GALNT13: variants seen among roughly 807,000 people sequenced by gnomAD.
GALNT13 encodes the protein polypeptide N-acetylgalactosaminyltransferase 13, also known as UDP-GalNAc:polypeptide N-acetylgalactosaminyltransferase 13.
GALNT13 carries 28 observed loss-of-function variants against 64.2 expected under a neutral mutation model. That is an observed-to-expected ratio of 0.44 (90% CI 0.32 to 0.60). The LOEUF is 0.60. Ranked by LOEUF, GALNT13 falls within the 20% of genes least tolerant of loss-of-function variation. The pLI is 0.05. For synonymous variants in GALNT13, 214 were observed against 224.6 expected, an observed-to-expected ratio of 0.95 and a Z score of 0.42; for missense variants, 577 against 669.8, an observed-to-expected ratio of 0.86 and a Z score of 1.53.
chr2:153,514,186 T>G, the GALNT13 span, among the ~76,000 whole-genome samples: 2 of 152,280 alleles, frequency 1.3e-5, no homozygotes, highest in South Asian at 4.1e-4. Context: ...CTCTTACCCA[T>G]TCCTATTTGA....
rs1261889773 is a variant in GALNT13 at position 154,302,012 on chromosome 2, AAAT to A, written c.1156+428_1156+430del. Among the ~76,000 whole-genome samples the A allele has an allele frequency of 2.6e-5, 4 of 152,224 alleles. No homozygotes were observed. In the East Asian group the frequency reaches 7.7e-4, roughly 29 times the overall value. On this transcript the variant is annotated intron_variant, in intron 9 of 12. Transcript: ENST00000392825. ...TAAATTATCAATAAATATGTGTGAA[AAAT>A]AATATGAGTAAAACGTTTTCATACT...
At chr2:154,168,981 G>A (rs1164849954) in intron 4 of GALNT13, among the ~76,000 whole-genome samples, 1 of 152,136 alleles carries the variant, frequency 6.6e-6, no homozygotes, top group Non-Finnish European at 1.5e-5. Context: ...GGTGCAAGGG[G>A]GAGGGGAGCC....
the GALNT13 span, among the ~76,000 whole-genome samples, chr2:153,179,692 T>G: frequency 6.6e-6 from 1 of 152,136 alleles, no homozygotes; most frequent in Non-Finnish European, 1.5e-5. Context: ...GAACACGAGG[T>G]ATCTTTCCAT....
chr2:153,346,714 G>A, the GALNT13 span, among the ~76,000 whole-genome samples: 3 of 152,082 alleles, frequency 2.0e-5, no homozygotes, highest in Admixed American at 6.5e-5. Flanking sequence ...TGAAATCAAA[G>A]CATGTTCTTA....
the GALNT13 span, among the ~76,000 whole-genome samples, chr2:153,393,612 T>C: frequency 6.6e-6 from 1 of 152,100 alleles, no homozygotes; most frequent in Admixed American, 6.6e-5. Context: ...TCGTGGTACC[T>C]GGACAGTTGG....
the GALNT13 span, among the ~76,000 whole-genome samples, chr2:153,608,422 G>C: frequency 2.6e-5 from 4 of 152,022 alleles, no homozygotes; most frequent in Non-Finnish European, 5.9e-5. Context: ...AGATTAAAAA[G>C]AGAAATATTT....
At chr2:153,648,809 A>G in the GALNT13 span, among the ~76,000 whole-genome samples, 2 of 152,132 alleles carry the variant, frequency 1.3e-5, no homozygotes, top group Non-Finnish European at 2.9e-5. Flanking sequence ...CATCCTAGGG[A>G]TGAAGCCCAC....
At chr2:153,110,039 A>G in the GALNT13 span, among the ~76,000 whole-genome samples, 6 of 152,160 alleles carry the variant, frequency 3.9e-5, no homozygotes, top group Non-Finnish European at 8.8e-5. Flanking sequence ...AAGACAACTC[A>G]TAAAAATTCA....
intron 1 of GALNT13, among the ~76,000 whole-genome samples, chr2:153,894,234 C>T (rs984075521): frequency 1.3e-5 from 2 of 152,042 alleles, no homozygotes; most frequent in South Asian, 2.1e-4. Context: ...TTGAATCTCT[C>T]GAGACCCCAC....
the GALNT13 span, among the ~76,000 whole-genome samples, chr2:153,627,380 A>G: frequency 6.6e-6 from 1 of 152,114 alleles, no homozygotes; most frequent in Non-Finnish European, 1.5e-5. Flanking sequence ...AAAGTAGAAT[A>G]AGTAGATATT....
chr2:153,998,348 G>A (rs1042677729), intron 3 of GALNT13, among the ~76,000 whole-genome samples: 22 of 152,150 alleles, frequency 1.4e-4, no homozygotes, highest in African/African-American at 5.1e-4. Context: ...ACTGGCATGA[G>A]ATGGTATCTT....
At chr2:153,509,104 C>T in the GALNT13 span, among the ~76,000 whole-genome samples, 1 of 152,198 alleles carries the variant, frequency 6.6e-6, no homozygotes, top group Non-Finnish European at 1.5e-5. Context: ...GATTACCCGT[C>T]CAGGAAGAGA....
chr2:153,831,483 G>A, the GALNT13 span, among the ~76,000 whole-genome samples: 1 of 152,082 alleles, frequency 6.6e-6, no homozygotes, highest in Non-Finnish European at 1.5e-5. Flanking sequence ...CCCTTTGGTA[G>A]CAGCAATTCC....
chr2:153,626,149 G>A, the GALNT13 span, among the ~76,000 whole-genome samples: 1 of 151,914 alleles, frequency 6.6e-6, no homozygotes, highest in Non-Finnish European at 1.5e-5. Flanking sequence ...ATAAACCATT[G>A]GTTCCCAGAT....
At chr2:154,350,502 G>A (rs1049326091) in intron 9 of GALNT13, among the ~76,000 whole-genome samples, 3 of 152,188 alleles carry the variant, frequency 2.0e-5, no homozygotes, top group Non-Finnish European at 4.4e-5. Flanking sequence ...CAGATTGAAG[G>A]CTGCACTGTC....
chr2:153,496,887 G>A, the GALNT13 span, among the ~76,000 whole-genome samples: 3 of 151,494 alleles, frequency 2.0e-5, no homozygotes, highest in East Asian at 1.9e-4. Context: ...CCAGCTACTC[G>A]GGAGGTTGAG....
chr2:153,468,831 GGTC>G, the GALNT13 span, among the ~76,000 whole-genome samples: 2 of 151,966 alleles, frequency 1.3e-5, no homozygotes, highest in Non-Finnish European at 2.9e-5. Flanking sequence ...CGGTGTACTG[GGTC>G]GTAGTAAGAA....
At chr2:153,204,250 T>A in the GALNT13 span, among the ~76,000 whole-genome samples, 1 of 152,220 alleles carries the variant, frequency 6.6e-6, no homozygotes, top group Admixed American at 6.5e-5. Flanking sequence ...CACCCTGGAC[T>A]ATATTGCTTG....
At chr2:154,405,207 T>C (rs1212684613) in intron 10 of GALNT13, among the ~76,000 whole-genome samples, 2 of 151,898 alleles carry the variant, frequency 1.3e-5, no homozygotes, top group Admixed American at 1.3e-4. Flanking sequence ...GCAAGTATAA[T>C]GCAGGAAAGA....
Sources: gnomAD v4.1 joint callset for allele counts (sites outside exome capture counted in the v4.1 genomes callset) on GRCh38, gnomAD v4.1.1 for gene constraint, MANE v1.5 for transcripts, NCBI Gene and HGNC (gene_info 2026-07-23, HGNC 2026-07-21) for gene names.